Variants in LPCAT1 observed in about 807,000 individuals in gnomAD.
LPCAT1 encodes the protein 1-acylglycerol-3-phosphate O-acyltransferase.
In LPCAT1, 23 loss-of-function variants were observed where a neutral mutation model predicts 60.9. That is an observed-to-expected ratio of 0.38 (90% CI 0.27 to 0.53). The LOEUF (loss-of-function observed/expected upper bound fraction) is 0.53. LPCAT1 is among the 20% of genes least tolerant of loss of function. The pLI is 0.82. For synonymous variants in LPCAT1, 340 were observed against 301.1 expected, an observed-to-expected ratio of 1.13 and a Z score of -1.34; for missense variants, 622 against 723.6, an observed-to-expected ratio of 0.86 and a Z score of 1.61.
intron 9 of LPCAT1, among the ~76,000 whole-genome samples, chr5:1,475,975 C>T (rs910251715): frequency 1.3e-5 from 2 of 152,318 alleles, no homozygotes; most frequent in East Asian, 1.9e-4. Context: ...GACCCTCCAA[C>T]GGCCCTGATG....
intron 1 of LPCAT1, among the ~76,000 whole-genome samples, chr5:1,517,025 A>T (rs535799290): frequency 6.6e-6 from 1 of 152,260 alleles, no homozygotes; most frequent in Non-Finnish European, 1.5e-5. Context: ...TTTCACAGGG[A>T]CAAACAGTGA....
At position 1,466,792 on chromosome 5, in the gene LPCAT1, T is replaced by G. The variant is rs770874761; in HGVS notation, c.1377A>C (p.Leu459=). ...LGVAELTVTD[L]FRAIDQEEKG... is the part of the protein sequence containing the mutation. ...TCTCCTCTTGGTCAATGGCTCGGAA[T>G]AGGTCGGTCACGGTGAGCTCTGCCA... Residue 459 remains leucine (L), a synonymous_variant, in exon 13 of 14, where the codon CTA becomes CTC. Transcript: ENST00000283415. 2 of 1,613,006 alleles carry G rather than the reference T, an allele frequency of 1.2e-6. No individual in the cohort carries two copies. Among genetic ancestry groups the G allele is most frequent in the East Asian group, 2.2e-5 (1 of 44,828 alleles).
chr5:1,469,443 C>G (rs1015508227), intron 12 of LPCAT1, among the ~76,000 whole-genome samples: 2 of 152,216 alleles, frequency 1.3e-5, no homozygotes, highest in African/African-American at 4.8e-5. Context: ...TGCTGTCATT[C>G]GTTCCAGGTT....
intron 8 of LPCAT1, among the ~76,000 whole-genome samples, chr5:1,478,088 G>A (rs778586452): frequency 2.6e-5 from 4 of 152,284 alleles, no homozygotes; most frequent in African/African-American, 4.8e-5. Context: ...AATGCAGCAC[G>A]TTATTCCTAC....
At chr5:1,475,263 A>G (rs750628487) in intron 9 of LPCAT1, among the ~76,000 whole-genome samples, 8 of 152,208 alleles carry the variant, frequency 5.3e-5, no homozygotes, top group Admixed American at 3.3e-4. Context: ...CTTAGGCATC[A>G]TCATTTGGAA....
In LPCAT1 at chr5:1,502,635, C is replaced by T. The variant is rs1044504291; in HGVS notation, c.136-1032G>A. Among the ~76,000 whole-genome samples the T allele has an allele frequency of 3.9e-5, 6 of 152,074 alleles. No homozygotes were observed. Among genetic ancestry groups the T allele is most frequent in the South Asian group, 2.1e-4 (1 of 4,830 alleles). On this transcript the variant is annotated intron_variant, in intron 1 of 13. Transcript: ENST00000283415. This position sits in a 1 kb window ranked among gnomAD's most constrained non-coding sequence, Gnocchi z 5.5. Reference sequence around the variant, plus strand: ...TCCCTCCGGGAGGCGGGCAGGACTCCGTGTAGAGGGGCGGGAGGCTTTGGG... The same window carrying T: ...TCCCTCCGGGAGGCGGGCAGGACTCTGTGTAGAGGGGCGGGAGGCTTTGGG...
chr5:1,488,484 A>G (rs1735452576), intron 4 of LPCAT1, 33 bp from the exon 5 acceptor site: 4 of 1,393,588 alleles, frequency 2.9e-6, no homozygotes, highest in Non-Finnish European at 4.0e-6. Context: ...GATCAGCATT[A>G]AACTGTACAT....
Position 1,462,186 on chromosome 5 carries a change from C to T in LPCAT1, c.*1465G>A, listed in dbSNP as rs991656888. 2 of 152,502 alleles carry T rather than the reference C, an allele frequency of 1.3e-5. No homozygotes were observed. The highest frequency in any genetic ancestry group is 2.9e-5 in the Non-Finnish European group (2 of 68,020). 9.4% of individuals were successfully genotyped at this position (152,502 alleles called of 1,614,324 possible). On this transcript the variant is annotated 3_prime_UTR_variant, in exon 14 of 14. Coordinates refer to ENST00000283415, the MANE Select transcript of LPCAT1 (RefSeq NM_024830.5). ...GTGGTCACTTTCTATAGAGATGCCC[C>T]AAATATAAAAATCAATTCATTTCAG...
intron 1 of LPCAT1, among the ~76,000 whole-genome samples, chr5:1,508,849 T>C (rs1736265214): frequency 6.6e-6 from 1 of 152,060 alleles, no homozygotes; most frequent in Non-Finnish European, 1.5e-5. Context: ...GGCAAACCCC[T>C]CCCTCGTCTC....
At chr5:1,467,315 C>A in intron 12 of LPCAT1, 1 of 175,712 alleles carries the variant, frequency 5.7e-6, no homozygotes, top group Non-Finnish European at 1.2e-5. Flanking sequence ...TGTTCACAAG[C>A]ATCAGTAATA....
At chr5:1,513,997 G>T (rs1736431365) in intron 1 of LPCAT1, among the ~76,000 whole-genome samples, 1 of 152,230 alleles carries the variant, frequency 6.6e-6, no homozygotes, top group South Asian at 2.1e-4. Flanking sequence ...CATTTCCTCA[G>T]AAGGCAGCTT....
In LPCAT1 at chr5:1,523,768, G is replaced by T. The variant is rs1341995231; in HGVS notation, c.77C>A (p.Pro26His). The stretch of plus-strand genomic sequence containing the variant: ...GTGCACGAAGGGGTTCCGCCCCGGG[G>T]GCGCCAGCAGCCGAGCGTCGCTGGC... ...AGASDARLLAPPGRNPFVHEL... is the reference protein window; with the variant it reads ...AGASDARLLAHPGRNPFVHEL... The change falls in exon 1 of 14, where the codon CCC becomes CAC. Residue 26 changes from proline to histidine, a missense_variant. By Grantham distance (77) the Pro-to-His change is moderately conservative (BLOSUM62 -2). This residue lies in a region of LPCAT1 where 125 missense variants were observed against 114.5 expected (regional missense o/e 1.09). Transcript: ENST00000283415. This position sits in a 1 kb window ranked among gnomAD's most constrained non-coding sequence, Gnocchi z 7.1. 8.6e-7 allele frequency: 1 copy of T among 1,156,204 alleles called. No individual in the cohort carries two copies. Among genetic ancestry groups the T allele is most frequent in the South Asian group, 2.6e-5 (1 of 38,508 alleles). The allele number at this position is 1,156,204 out of a possible 1,614,324, so 71.6% of individuals were successfully genotyped here. A position where few individuals can be genotyped will look rare whatever the true frequency, so the allele number is the denominator to read the frequency against.
chr5:1,515,420 G>T (rs7737853), intron 1 of LPCAT1, among the ~76,000 whole-genome samples: 17 of 143,384 alleles, frequency 1.2e-4, no homozygotes, highest in East Asian at 6.4e-4. Flanking sequence ...TACACCCTGC[G>T]CCACACTACC....
At chr5:1,519,748 G>T (rs1234836101) in intron 1 of LPCAT1, among the ~76,000 whole-genome samples, 1 of 152,256 alleles carries the variant, frequency 6.6e-6, no homozygotes. Flanking sequence ...GGCCAAAACA[G>T]TTGGCACCAT....
At chr5:1,466,114 C>T (rs543143143) in intron 13 of LPCAT1, among the ~76,000 whole-genome samples, 1 of 152,250 alleles carries the variant, frequency 6.6e-6, no homozygotes, top group Non-Finnish European at 1.5e-5. Context: ...CTGGGAGCCT[C>T]GGGTGGATGC....
At position 1,466,766 on chromosome 5, in the gene LPCAT1, T is replaced by G. The variant is rs1368058605; in HGVS notation, c.1403A>C (p.Lys468Thr). The G allele has an allele frequency of 1.2e-6, 2 of 1,611,684 alleles. No homozygotes were observed. The highest frequency in any genetic ancestry group is 1.7e-6 in the Non-Finnish European group (2 of 1,178,692). ...DLFRAIDQEE[K>T]GKITFADFHR... ...GGGCTCACCGAATGTGATCTTCCCC[T>G]TCTCCTCTTGGTCAATGGCTCGGAA... The change falls in exon 13 of 14, where the codon AAG becomes ACG. Residue 468 changes from lysine (K) to threonine (T), a missense_variant. This residue lies in a region of LPCAT1 where 288 missense variants were observed against 283.6 expected (regional missense o/e 1.02). Transcript: ENST00000283415.
intron 2 of LPCAT1, among the ~76,000 whole-genome samples, chr5:1,498,182 G>A (rs1735861974): frequency 3.3e-5 from 5 of 152,198 alleles, no homozygotes; most frequent in Admixed American, 3.3e-4. Flanking sequence ...AACCGACTAC[G>A]TAATTATTAT....
In LPCAT1 at chr5:1,521,452, G is replaced by T. The variant is rs1002467344; in HGVS notation, c.135+2258C>A. The T allele has an allele frequency of 3.3e-5, 33 of 985,256 alleles. No homozygotes were observed. Among genetic ancestry groups the T allele is most frequent in the Non-Finnish European group, 3.7e-5 (31 of 829,868 alleles). 61.0% of individuals were successfully genotyped at this position (985,256 alleles called of 1,614,324 possible). A position where few individuals can be genotyped will look rare whatever the true frequency, so the allele number is the denominator to read the frequency against. On this transcript the variant is annotated intron_variant, in intron 1 of 13. Coordinates refer to ENST00000283415, the MANE Select transcript of LPCAT1 (RefSeq NM_024830.5). This position sits in a 1 kb window ranked among gnomAD's most constrained non-coding sequence, Gnocchi z 4.3. ...TTGGGGAAGAAGGCTTTCTTGGCTT[G>T]AAAGACAGGCTATTTCACTCTGTGG...
At chr5:1,482,044 A>G in intron 6 of LPCAT1, among the ~76,000 whole-genome samples, 1 of 152,192 alleles carries the variant, frequency 6.6e-6, no homozygotes. Flanking sequence ...GAACTGCTAT[A>G]GACGGGAAGC....
Sources: allele counts gnomAD v4.1 joint callset (sites outside exome capture counted in the v4.1 genomes callset), GRCh38; gene constraint gnomAD v4.1.1; regional missense constraint gnomAD v4.1.1; non-coding constraint Gnocchi (gnomAD v3.1); transcripts MANE v1.5; gene names NCBI Gene and HGNC (gene_info 2026-07-23, HGNC 2026-07-21).